CD226: variants seen among roughly 807,000 people sequenced by gnomAD.
CD226 encodes the protein CD226 molecule.
Under a neutral mutation model 34.9 loss-of-function variants are expected in CD226, and 24 were observed. That is an observed-to-expected ratio of 0.69 (90% confidence interval 0.50 to 0.97). The LOEUF (loss-of-function observed/expected upper bound fraction) is 0.97, where lower values mean the gene tolerates loss of function less well. Ranked by LOEUF, CD226 falls within the 50% of genes least tolerant of loss-of-function variation. The pLI, the probability that CD226 is intolerant of heterozygous loss-of-function variation, is 0.00. For synonymous variants in CD226, 148 were observed against 147.4 expected (o/e 1.00, Z -0.03); for missense variants, 397 against 412.7 (o/e 0.96, Z 0.33).
intron 2 of CD226, among the ~76,000 whole-genome samples, chr18:69,934,954 A>C (rs913605194): frequency 6.6e-5 from 10 of 152,194 alleles, no homozygotes; most frequent in African/African-American, 2.4e-4. Context: ...CACGGAAAGA[A>C]AAAGCCATTC....
At chr18:69,950,167 A>C (rs144180597), upstream of CD226, among the ~76,000 whole-genome samples, 1 of 22,404 alleles carries the variant, frequency 4.5e-5, no homozygotes. Context: ...CGTACTCTCA[A>C]ACACACTCGT....
chr18:69,948,066 A>G (rs2055814930), upstream of CD226, among the ~76,000 whole-genome samples: 2 of 152,222 alleles, frequency 1.3e-5, no homozygotes, highest in Admixed American at 6.5e-5. Context: ...ATGCAGATCT[A>G]CCATTATGAG....
rs55757921 is a variant in CD226, at chr18:69,938,617, C to T, written c.382+8117G>A. On this transcript the variant is annotated intron_variant, in intron 2 of 5. Transcript: ENST00000582621. The stretch of plus-strand genomic sequence containing the variant: ...TAGCCAAGTTGGTCTCTTAATTTCA[C>T]ATCTTTTTCACTAAAATCATCATTT... Among the ~76,000 whole-genome samples, 1,012 of 152,350 alleles carry T rather than the reference C, an allele frequency of 6.6e-3. 16 individuals carry two copies. Among genetic ancestry groups the T allele is most frequent in the African/African-American group, 0.023 (938 of 41,574 alleles).
intron 2 of CD226, among the ~76,000 whole-genome samples, chr18:69,901,811 A>G (rs2602152): frequency 0.59 from 89,596 of 150,586 alleles, 28,238 homozygotes; most frequent in East Asian, 0.69. Flanking sequence ...CCCGGGAGGC[A>G]GAGCTTGCAG....
At chr18:69,915,559 C>T (rs17081814) in intron 2 of CD226, among the ~76,000 whole-genome samples, 4,347 of 152,202 alleles carry the variant, frequency 0.029, 226 homozygotes, top group African/African-American at 0.099. Flanking sequence ...CCTATTGCTA[C>T]GCGCCATTTT....
intron 2 of CD226, among the ~76,000 whole-genome samples, chr18:69,942,999 G>C (rs2055745066): frequency 6.6e-6 from 1 of 152,154 alleles, no homozygotes; most frequent in Admixed American, 6.5e-5. Flanking sequence ...CATTCCACTG[G>C]AGTTAAGATC....
rs144416384 is a variant in CD226, at chr18:69,854,193, T to C, written c.*10121A>G. 4.6e-5 allele frequency: 7 copies of C among 152,382 alleles called. No individual in the cohort carries two copies. In the East Asian group the frequency reaches 1.3e-3, roughly 29 times the overall value. 9.4% of individuals were successfully genotyped at this position (152,382 alleles called of 1,614,324 possible). On this transcript the variant is annotated 3_prime_UTR_variant, in exon 6 of 6. Coordinates refer to ENST00000582621, the MANE Select transcript of CD226 (RefSeq NM_001303618.2). ...GCTGAAAATCAATGACTTTTCTTAT[T>C]AGACCTATTAGAGAACCAAGGTCCT...
intron 2 of CD226, among the ~76,000 whole-genome samples, chr18:69,902,764 A>G (rs1051162048): frequency 1.3e-5 from 2 of 151,958 alleles, no homozygotes; most frequent in African/African-American, 2.4e-5. Context: ...ACGATGCTTC[A>G]AATAGACTAA....
At chr18:69,900,881 C>T (rs1002088745) in intron 2 of CD226, among the ~76,000 whole-genome samples, 3 of 151,974 alleles carry the variant, frequency 2.0e-5, no homozygotes, top group African/African-American at 7.3e-5. Context: ...TATAATAACC[C>T]TAATATTAAG....
At chr18:69,934,356 G>A (rs985733112) in intron 2 of CD226, among the ~76,000 whole-genome samples, 2 of 151,558 alleles carry the variant, frequency 1.3e-5, no homozygotes, top group Non-Finnish European at 2.9e-5. Flanking sequence ...TATCGGTGTT[G>A]GTAGCATATA....
At chr18:69,953,977 TCAACAGAG>T (rs2055875538) in intron 1 of CD226, among the ~76,000 whole-genome samples, 1 of 148,688 alleles carries the variant, frequency 6.7e-6, no homozygotes, top group African/African-American at 2.5e-5. Flanking sequence ...TCCAGCCAGG[TCAACAGAG>T]CAAGACTCCG....
chr18:69,891,622 A>T (rs974585681), intron 3 of CD226, among the ~76,000 whole-genome samples: 5 of 152,262 alleles, frequency 3.3e-5, no homozygotes, highest in African/African-American at 1.2e-4. Flanking sequence ...TCAAACTAAT[A>T]AATGAATTCA....
Position 69,917,954 on chromosome 18 carries a change from C to T in CD226, c.383-21909G>A, listed in dbSNP as rs905395150. Among the ~76,000 whole-genome samples, 5 of 152,270 alleles carry T rather than the reference C, an allele frequency of 3.3e-5. No individual in the cohort carries two copies. In the East Asian group the frequency reaches 9.7e-4, roughly 29 times the overall value. On this transcript the variant is annotated intron_variant, in intron 2 of 5. Coordinates refer to ENST00000582621, the MANE Select transcript of CD226 (RefSeq NM_001303618.2). ...GACCAAGAGCCCCTGGCTCTAAAAC[C>T]TTGAAAACAAGTCAGCTGCCCACTG...
At chr18:69,897,548 C>T (rs1425870451) in intron 2 of CD226, among the ~76,000 whole-genome samples, 2 of 152,072 alleles carry the variant, frequency 1.3e-5, no homozygotes, top group African/African-American at 2.4e-5. Flanking sequence ...AGTCATCTGT[C>T]ACTTCAACTA....
At chr18:69,883,842 G>A (rs1014114035) in intron 3 of CD226, among the ~76,000 whole-genome samples, 1 of 152,172 alleles carries the variant, frequency 6.6e-6, no homozygotes, top group Non-Finnish European at 1.5e-5. Context: ...TGTGTTCAGG[G>A]TGCCCCCTCC....
In CD226 at chr18:69,877,739, C is replaced by T. The variant is rs139003691; in HGVS notation, c.728-4493G>A. ...GACCCGTGGATGAAAACCTATAGATCTGCATATCCTAATACCACAATACCT... is the reference window on the plus strand; with the variant it reads ...GACCCGTGGATGAAAACCTATAGATTTGCATATCCTAATACCACAATACCT... On this transcript the variant is annotated intron_variant, in intron 3 of 5. Coordinates refer to ENST00000582621, the MANE Select transcript of CD226 (RefSeq NM_001303618.2). Among the ~76,000 whole-genome samples, 363 of 152,310 alleles carry T rather than the reference C, an allele frequency of 2.4e-3. 3 individuals carry two copies. The highest frequency in any genetic ancestry group is 8.1e-3 in the African/African-American group (338 of 41,556).
rs915265710 is a variant in CD226 at position 69,873,144 on chromosome 18, C to G, written c.830G>C (p.Arg277Thr). ...ATTCAGCATAAGTTGCACTACTCAC[C>G]TGTTAAGGAAAATGACAATGATGGT... The part of the protein sequence containing the change: ...ITTIIVIFLN[R>T]RRRRERRDLF... Residue 277 changes from arginine (R) to threonine (T), a missense_variant and splice_region_variant, in exon 4 of 6, where the codon AGA becomes ACA. Physicochemically the swap from Arg to Thr is moderately conservative, Grantham distance 71 (BLOSUM62 -1). Coordinates refer to ENST00000582621, the MANE Select transcript of CD226 (RefSeq NM_001303618.2). The G allele has an allele frequency of 1.3e-6, 2 of 1,526,502 alleles. No homozygotes were observed. Among genetic ancestry groups the G allele is most frequent in the African/African-American group, 1.4e-5 (1 of 73,100 alleles). The allele number at this position is 1,526,502 out of a possible 1,614,324, so 94.6% of individuals were successfully genotyped here. A position where few individuals can be genotyped will look rare whatever the true frequency, so the allele number is the denominator to read the frequency against.
intron 1 of CD226, 84 bp downstream of exon 1, chr18:69,947,277 G>T: frequency 1.0e-6 from 1 of 970,696 alleles, no homozygotes; most frequent in Non-Finnish European, 1.6e-6. Context: ...CAACTAAAGA[G>T]CACTGTAAAT....
Position 69,895,912 on chromosome 18 carries a change from C to T in CD226, c.516G>A (p.Gln172=). The stretch of plus-strand genomic sequence containing the variant: ...AGTTGCAGTAAGTTAAGAGGTCGAT[C>T]TGACGGGGCTGGATCTTTTCCCACC... ...AVRWEKIQPR[Q]IDLLTYCNLV... The change falls in exon 3 of 6, where the codon CAG becomes CAA. Residue 172 remains glutamine (Q), a synonymous_variant. Transcript: ENST00000582621. 2 of 1,614,176 alleles carry T rather than the reference C, an allele frequency of 1.2e-6. No homozygotes were observed. The highest frequency in any genetic ancestry group is 1.7e-6 in the Non-Finnish European group (2 of 1,180,038).
Sources: allele counts gnomAD v4.1 joint callset (sites outside exome capture counted in the v4.1 genomes callset), GRCh38; gene constraint gnomAD v4.1.1; transcripts MANE v1.5; gene names NCBI Gene and HGNC (gene_info 2026-07-23, HGNC 2026-07-21).